The following TSPEAR variants were observed in gnomAD, a reference collection of about 807,000 sequenced individuals.
TSPEAR encodes thrombospondin-type laminin G domain and EAR repeat-containing protein.
Under a neutral mutation model 71.6 loss-of-function variants are expected in TSPEAR, and 69 were observed. The observed-to-expected ratio is 0.96, with a 90% CI of 0.79 to 1.18. The LOEUF is 1.18. Ranked by LOEUF, TSPEAR falls within the 50% of genes most tolerant of loss-of-function variation. The pLI is 0.00. For synonymous variants in TSPEAR, 402 were observed against 387.2 expected, an observed-to-expected ratio of 1.04 and a Z score of -0.45; for missense variants, 971 against 894.9, an observed-to-expected ratio of 1.09 and a Z score of -1.09.
At chr21:44,515,895 G>T (rs1555913370) in intron 9 of TSPEAR, 1 of 152,282 alleles carries the variant, frequency 6.6e-6, no homozygotes, top group African/African-American at 2.4e-5. Flanking sequence ...GAAGGGCTGA[G>T]ACCCCACCAT....
intron 1 of TSPEAR, among the ~76,000 whole-genome samples, chr21:44,686,130 C>A (rs1986844911): frequency 6.6e-6 from 1 of 152,072 alleles, no homozygotes; most frequent in African/African-American, 2.4e-5. Context: ...AACAGGGGGA[C>A]CTTGAACATC....
Position 44,591,854 on chromosome 21 carries a change from G to A in TSPEAR, c.83-23849C>T. 2.5e-6 allele frequency: 4 copies of A among 1,607,406 alleles called. No homozygotes were observed. The South Asian group carries it at 3.3e-5, about 13-fold the overall frequency. On this transcript the variant is annotated intron_variant, in intron 1 of 11. Transcript: ENST00000323084. ...CAGCAAGTTGGCTGGCAGCTAGACT[G>A]CTGGCAGCATGAGGGTGTGCAGGAG...
intron 1 of TSPEAR, chr21:44,646,409 C>T: frequency 1.9e-6 from 3 of 1,572,338 alleles, no homozygotes; most frequent in South Asian, 1.2e-5. Context: ...CACACACACA[C>T]TCACACACTC....
At chr21:44,655,998 T>C (rs1258109609) in intron 1 of TSPEAR, among the ~76,000 whole-genome samples, 2 of 152,050 alleles carry the variant, frequency 1.3e-5, no homozygotes, top group African/African-American at 4.8e-5. Context: ...GGACAGAACT[T>C]AGAAGTCTAT....
At chr21:44,684,736 C>T (rs782175323) in intron 1 of TSPEAR, among the ~76,000 whole-genome samples, 3 of 152,160 alleles carry the variant, frequency 2.0e-5, no homozygotes, top group East Asian at 1.9e-4. Context: ...TTGACTAGGA[C>T]GAGGCCAGGT....
chr21:44,612,601 G>C lies in TSPEAR; in HGVS notation c.83-44596C>G. The C allele has an allele frequency of 6.2e-7, 1 of 1,613,990 alleles. No homozygotes were observed. The highest frequency in any genetic ancestry group is 1.7e-5 in the Admixed American group (1 of 60,014). ...CCCCATGCCAACAGGCCTGCTGTGT[G>C]CCCATCTGCTGCAAGCCCATCTGCT... On this transcript the variant is annotated intron_variant, in intron 1 of 11. Transcript: ENST00000323084. This position sits in a 1 kb window ranked among gnomAD's most constrained non-coding sequence, Gnocchi z 4.1.
chr21:44,698,104 GCTCCTGCT>G, intron 1 of TSPEAR: 1 of 863,824 alleles, frequency 1.2e-6, no homozygotes, highest in Non-Finnish European at 1.8e-6. Context: ...AGCCCTGGGG[GCTCCTGCT>G]AAGCTCCAGA....
chr21:44,626,504 C>T (rs1434424125), intron 1 of TSPEAR, among the ~76,000 whole-genome samples: 29 of 150,670 alleles, frequency 1.9e-4, no homozygotes, highest in African/African-American at 6.0e-4. Flanking sequence ...CCACAGCCCA[C>T]GATGCTGCCA....
At position 44,710,463 on chromosome 21, in the gene TSPEAR, G is replaced by C. The variant is rs534193034; in HGVS notation, c.82+970C>G. 6.8e-6 allele frequency among the ~76,000 whole-genome samples: 1 copy of C among 147,486 alleles called. No homozygotes were observed. The highest frequency in any genetic ancestry group is 2.5e-5 in the African/African-American group (1 of 40,318). ...ACGCGAGTCAGCACGTTCCATACTC[G>C]GGTGATCGTGCTCATCCCCTGGTCA... On this transcript the variant is annotated intron_variant, in intron 1 of 11. Coordinates refer to ENST00000323084, the MANE Select transcript of TSPEAR (RefSeq NM_144991.3). The surrounding 1 kb of genome is among the most constrained non-coding windows in gnomAD (Gnocchi z 4.6).
intron 1 of TSPEAR, among the ~76,000 whole-genome samples, chr21:44,689,386 C>CA (rs1987009813): frequency 6.6e-6 from 1 of 151,590 alleles, no homozygotes; most frequent in Admixed American, 6.6e-5. Flanking sequence ...CCTGTAGTCC[C>CA]AGCTACTCAG....
rs782724198 is a variant in TSPEAR at position 44,601,690 on chromosome 21, C to T, written c.83-33685G>A. The T allele has an allele frequency of 1.3e-5, 21 of 1,612,340 alleles. No individual in the cohort carries two copies. The East Asian group carries it at 4.2e-4, about 33-fold the overall frequency. On this transcript the variant is annotated intron_variant, in intron 1 of 11. Coordinates refer to ENST00000323084, the MANE Select transcript of TSPEAR (RefSeq NM_144991.3). ...CCTTTGCCGCCCCGCATGCTCCCGC[C>T]CGGCCTGCTGTGGCCCCACCTCAAC... is the stretch of plus-strand genomic sequence containing the variant.
At chr21:44,549,801 G>A (rs587607877) in intron 2 of TSPEAR, among the ~76,000 whole-genome samples, 177 of 152,322 alleles carry the variant, frequency 1.2e-3, no homozygotes, top group African/African-American at 4.0e-3. Context: ...TGTTCCCACC[G>A]GCCCTCCGCC....
chr21:44,618,560 T>C (rs1163708290), intron 1 of TSPEAR, among the ~76,000 whole-genome samples: 3 of 152,124 alleles, frequency 2.0e-5, no homozygotes, highest in African/African-American at 7.2e-5. Flanking sequence ...TAGGAGAACC[T>C]TGTGGATTTT....
At position 44,521,964 on chromosome 21, in the gene TSPEAR, G is replaced by A. The variant is rs1555914329; in HGVS notation, c.1485C>T (p.Thr495=). Residue 495 remains threonine, a synonymous_variant, in exon 9 of 12, where the codon ACC becomes ACT. Transcript: ENST00000323084. ...GPYSFLVVAN[T]FNGTSTKVHS... ...GCACCTTGGTGGAGGTGCCGTTGAAGGTGTTGGCCACCACCAGGAACGAGT... is the reference window on the plus strand; with the variant it reads ...GCACCTTGGTGGAGGTGCCGTTGAAAGTGTTGGCCACCACCAGGAACGAGT... The A allele has an allele frequency of 3.1e-6, 5 of 1,614,162 alleles. No homozygotes were observed. Among genetic ancestry groups the A allele is most frequent in the Non-Finnish European group, 4.2e-6 (5 of 1,180,010 alleles).
Position 44,533,918 on chromosome 21 carries a change from G to A in TSPEAR, c.309C>T (p.Asn103=), listed in dbSNP as rs200255119. 1.6e-5 allele frequency: 25 copies of A among 1,610,312 alleles called. No homozygotes were observed. The African/African-American group carries it at 1.6e-4, about 10-fold the overall frequency. ...CTGCCACCACCGTCAGCAGGTACTC[G>A]TTCCTCTGTGGAGAGCGGGCCAGGC... The part of the protein sequence containing the change: ...LRVPNLPPKR[N]EYLLTVVAEE... The change falls in exon 3 of 12, where the codon AAC becomes AAT. Residue 103 remains asparagine (N), a synonymous_variant. Transcript: ENST00000323084.
At chr21:44,518,380 G>T (rs587656694) in intron 9 of TSPEAR, 78 of 435,042 alleles carry the variant, frequency 1.8e-4, no homozygotes, top group African/African-American at 1.5e-3. Context: ...GTGCAGTGTC[G>T]TGAAGAAGAC....
intron 2 of TSPEAR, among the ~76,000 whole-genome samples, chr21:44,552,494 C>T (rs2053459172): frequency 6.6e-6 from 1 of 152,106 alleles, no homozygotes; most frequent in South Asian, 2.1e-4. Flanking sequence ...AAGCCTATAG[C>T]GCTAGGGAGG....
intron 9 of TSPEAR, among the ~76,000 whole-genome samples, chr21:44,512,831 T>C (rs1053948125): frequency 2.0e-5 from 3 of 151,704 alleles, no homozygotes; most frequent in African/African-American, 7.3e-5. Flanking sequence ...GTGGCCGGAG[T>C]GAATGCTGTG....
At chr21:44,570,386 G>A (rs868991478) in intron 1 of TSPEAR, among the ~76,000 whole-genome samples, 4 of 152,190 alleles carry the variant, frequency 2.6e-5, no homozygotes, top group East Asian at 3.9e-4. Context: ...ACACAGCCTC[G>A]GCAGTGCTGG....
Sources: gnomAD v4.1 joint callset for allele counts (sites outside exome capture counted in the v4.1 genomes callset) on GRCh38, gnomAD v4.1.1 for gene constraint, Gnocchi (gnomAD v3.1) non-coding constraint, MANE v1.5 for transcripts, NCBI Gene and HGNC (gene_info 2026-07-23, HGNC 2026-07-21) for gene names.